FDX1: variants seen among roughly 807,000 people sequenced by gnomAD.
FDX1 encodes the protein ferredoxin 1.
A neutral mutation model predicts 14.9 loss-of-function variants in FDX1; 9 were observed. The observed-to-expected ratio is 0.60, with a 90% CI of 0.36 to 1.05. FDX1 has a LOEUF of 1.05. Among genes scored for constraint, FDX1 ranks in the 50% least tolerant of loss-of-function variants. The probability of loss-of-function intolerance (pLI) is 0.01; values close to 1 mark genes in which losing one functional copy is unlikely to be tolerated. For missense variants in FDX1, 204 were observed against 237.2 expected (o/e 0.86, Z 0.92); for synonymous variants, 92 against 99.4 (o/e 0.93, Z 0.44).
At chr11:110,460,094 C>A (rs1328117193) in intron 3 of FDX1, among the ~76,000 whole-genome samples, 1 of 152,218 alleles carries the variant, frequency 6.6e-6, no homozygotes, top group Non-Finnish European at 1.5e-5. Flanking sequence ...TCACTGCTGT[C>A]TTAACGAATT....
chr11:110,456,223 C>T (rs1168207006), intron 2 of FDX1, among the ~76,000 whole-genome samples: 1 of 152,180 alleles, frequency 6.6e-6, no homozygotes, highest in Non-Finnish European at 1.5e-5. Context: ...TCTAGTTCCT[C>T]TTATATACCA....
chr11:110,441,375 A>G (rs2134679509), intron 2 of FDX1, among the ~76,000 whole-genome samples: 1 of 152,324 alleles, frequency 6.6e-6, no homozygotes, highest in South Asian at 2.1e-4. Flanking sequence ...AATATGGGAA[A>G]GTTTGGAACT....
At chr11:110,459,533 G>A (rs1222848882) in intron 3 of FDX1, among the ~76,000 whole-genome samples, 1 of 152,220 alleles carries the variant, frequency 6.6e-6, no homozygotes, top group Non-Finnish European at 1.5e-5. Context: ...AAATCCAGCT[G>A]TGTTGGGCCC....
intron 1 of FDX1, among the ~76,000 whole-genome samples, chr11:110,430,509 C>T (rs1197033047): frequency 1.3e-5 from 2 of 152,222 alleles, no homozygotes; most frequent in African/African-American, 4.8e-5. Context: ...CCTTCCGTCG[C>T]ACCGCAGAGT....
intron 2 of FDX1, among the ~76,000 whole-genome samples, chr11:110,439,626 T>C (rs548573388): frequency 5.4e-4 from 82 of 152,324 alleles, no homozygotes; most frequent in African/African-American, 2.0e-3. Context: ...TTTTCTCATT[T>C]TCTAGGGTGT....
At chr11:110,458,706 C>T (rs1432358991) in intron 3 of FDX1, among the ~76,000 whole-genome samples, 1 of 151,924 alleles carries the variant, frequency 6.6e-6, no homozygotes, top group Non-Finnish European at 1.5e-5. Context: ...CTCCCGGGTT[C>T]AAGCAATTAT....
intron 2 of FDX1, among the ~76,000 whole-genome samples, chr11:110,452,720 G>C: frequency 6.6e-6 from 1 of 152,158 alleles, no homozygotes; most frequent in Non-Finnish European, 1.5e-5. Flanking sequence ...CAAACCATGG[G>C]ACATTCAAAC....
At position 110,462,385 on chromosome 11, in the gene FDX1, A is replaced by G. The variant is rs1946561635; in HGVS notation, c.472A>G (p.Lys158Glu). The G allele has an allele frequency of 1.9e-6, 3 of 1,612,122 alleles. No individual in the cohort carries two copies. The highest frequency in any genetic ancestry group is 2.2e-5 in the East Asian group (1 of 44,858). ...SRLGCQICLT[K>E]SMDNMTVRVP... Reference sequence around the variant, plus strand: ...GTTGGGCTGCCAAATCTGTTTGACAAAATCTATGGACAATATGACTGTTCG... The same window carrying G: ...GTTGGGCTGCCAAATCTGTTTGACAGAATCTATGGACAATATGACTGTTCG... Residue 158 changes from lysine to glutamate, a missense_variant, in exon 4 of 4, where the codon AAA becomes GAA. Lys to Glu is a moderately conservative substitution (Grantham distance 56). Coordinates refer to ENST00000260270, the MANE Select transcript of FDX1 (RefSeq NM_004109.5).
intron 2 of FDX1, among the ~76,000 whole-genome samples, chr11:110,447,124 T>G (rs980761963): frequency 2.8e-5 from 4 of 144,320 alleles, no homozygotes; most frequent in Non-Finnish European, 4.5e-5. Flanking sequence ...TGCAGTGAGC[T>G]GAGATTGCAC....
chr11:110,441,705 G>T (rs1428352966), intron 2 of FDX1, among the ~76,000 whole-genome samples: 2 of 152,202 alleles, frequency 1.3e-5, no homozygotes, highest in Non-Finnish European at 2.9e-5. Context: ...TGGAAAATTT[G>T]CAGCCTGACA....
rs1421835677 is a variant in FDX1 at position 110,430,116 on chromosome 11, G to C, written c.-5G>C. ...GTCGCTTCCGGCAGTTCCCGACCGC[G>C]GGCGATGGCTGCCGCTGGGGGCGCC... On this transcript the variant is annotated 5_prime_UTR_variant, in exon 1 of 4. Transcript: ENST00000260270. 8.1e-7 allele frequency: 1 copy of C among 1,234,036 alleles called. No individual in the cohort carries two copies. Among genetic ancestry groups the C allele is most frequent in the African/African-American group, 1.6e-5 (1 of 63,706 alleles). 76.4% of individuals were successfully genotyped at this position (1,234,036 alleles called of 1,614,324 possible).
rs115432783 is a variant in FDX1, at chr11:110,433,636, G to A, written c.186-2198G>A. On this transcript the variant is annotated intron_variant, in intron 1 of 3. Transcript: ENST00000260270. ...TTTGAAAAAAATGGCAGTTATTCATGTTGAAAATTATGAATAATATGTGGG... is the reference window on the plus strand; with the variant it reads ...TTTGAAAAAAATGGCAGTTATTCATATTGAAAATTATGAATAATATGTGGG... 6.0e-3 allele frequency among the ~76,000 whole-genome samples: 909 copies of A among 152,254 alleles called. 6 individuals are homozygous for A. The highest frequency in any genetic ancestry group is 0.02 in the African/African-American group (838 of 41,538).
At chr11:110,455,546 C>T (rs774784586) in intron 2 of FDX1, among the ~76,000 whole-genome samples, 25 of 152,094 alleles carry the variant, frequency 1.6e-4, no homozygotes, top group Non-Finnish European at 2.8e-4. Flanking sequence ...AAAACAAACC[C>T]GAATCACTGT....
At chr11:110,436,676 A>G (rs562208192) in intron 2 of FDX1, among the ~76,000 whole-genome samples, 1 of 146,048 alleles carries the variant, frequency 6.8e-6, no homozygotes, top group Admixed American at 7.1e-5. Context: ...ATTTTGATGC[A>G]TGTTCAAGTT....
At chr11:110,430,348 C>G in intron 1 of FDX1, 43 bp downstream of exon 1, 1 of 1,156,706 alleles carries the variant, frequency 8.6e-7, no homozygotes, top group Non-Finnish European at 1.1e-6. Context: ...GGGCCGGGGT[C>G]CCCGGTGGGT....
At chr11:110,453,052 A>G (rs550355564) in intron 2 of FDX1, among the ~76,000 whole-genome samples, 70 of 152,250 alleles carry the variant, frequency 4.6e-4, no homozygotes, top group African/African-American at 1.5e-3. Context: ...AACTCATAGA[A>G]CTGGCCAGGT....
chr11:110,444,666 G>GTGTA (rs1555069076), intron 2 of FDX1, among the ~76,000 whole-genome samples: 1 of 42,602 alleles, frequency 2.3e-5, no homozygotes, highest in East Asian at 1.0e-3. Flanking sequence ...ATATATATAC[G>GTGTA]TATATATATA....
At chr11:110,431,081 G>T (rs1219403816) in intron 1 of FDX1, among the ~76,000 whole-genome samples, 1 of 151,018 alleles carries the variant, frequency 6.6e-6, no homozygotes, top group African/African-American at 2.5e-5. Flanking sequence ...CGTAATGAGG[G>T]CTCAGTAGAT....
At position 110,443,735 on chromosome 11, in the gene FDX1, C is replaced by T. The variant is rs565765814; in HGVS notation, c.310+7777C>T. Among the ~76,000 whole-genome samples, 30 of 152,136 alleles carry T rather than the reference C, an allele frequency of 2.0e-4. No homozygotes were observed. The South Asian group carries it at 2.1e-3, about 11-fold the overall frequency. On this transcript the variant is annotated intron_variant, in intron 2 of 3. Coordinates refer to ENST00000260270, the MANE Select transcript of FDX1 (RefSeq NM_004109.5). ...CTAGAATTACAGGTGTGAGCCACTA[C>T]GCCTTGGCCAACAGCTAATGCCCTT...
Sources: allele counts gnomAD v4.1 joint callset (sites outside exome capture counted in the v4.1 genomes callset), GRCh38; gene constraint gnomAD v4.1.1; transcripts MANE v1.5; gene names NCBI Gene and HGNC (gene_info 2026-07-23, HGNC 2026-07-21).